NUTF2: variants seen among roughly 807,000 people sequenced by gnomAD.
NUTF2 encodes nuclear transport factor 2, also known as placental protein 15.
In NUTF2, 3 loss-of-function variants were observed where a neutral mutation model predicts 18.5. The observed-to-expected ratio is 0.16, with a 90% CI of 0.07 to 0.42. The LOEUF (loss-of-function observed/expected upper bound fraction) is 0.42. NUTF2 is among the 10% of genes least tolerant of loss of function. NUTF2 has a pLI of 0.99. For synonymous variants in NUTF2, 51 were observed against 57.9 expected (o/e 0.88, Z 0.54); for missense variants, 44 against 160.7 (o/e 0.27, Z 3.93).
At chr16:67,868,448 T>C (rs1180083284) in intron 3 of NUTF2, 37 bp downstream of exon 3, 5 of 1,613,456 alleles carry the variant, frequency 3.1e-6, no homozygotes, top group East Asian at 2.2e-5. Flanking sequence ...AGGTGGCTCC[T>C]TTCCCACCCC....
chr16:67,853,458 A>G (rs755520648), intron 1 of NUTF2, among the ~76,000 whole-genome samples: 1 of 152,122 alleles, frequency 6.6e-6, no homozygotes, highest in African/African-American at 2.4e-5. Flanking sequence ...TCTGGGTTCA[A>G]GAGATTCTCC....
intron 2 of NUTF2, among the ~76,000 whole-genome samples, chr16:67,866,772 T>C (rs1405883585): frequency 6.6e-6 from 1 of 151,934 alleles, no homozygotes; most frequent in Admixed American, 6.6e-5. Context: ...CGGCTACACC[T>C]AATTTTTGTA....
intron 1 of NUTF2, among the ~76,000 whole-genome samples, chr16:67,853,525 T>C (rs942993173): frequency 2.6e-5 from 4 of 151,784 alleles, no homozygotes; most frequent in African/African-American, 9.7e-5. Flanking sequence ...GCTTGGCTAA[T>C]TTTTGTATTT....
At chr16:67,855,424 G>A (rs1274415579) in intron 1 of NUTF2, among the ~76,000 whole-genome samples, 5 of 152,292 alleles carry the variant, frequency 3.3e-5, no homozygotes, top group Admixed American at 2.0e-4. Context: ...TGTCTGGGGC[G>A]TTACTCATTT....
intron 1 of NUTF2, among the ~76,000 whole-genome samples, chr16:67,853,339 G>A (rs1305495811): frequency 1.3e-5 from 2 of 152,076 alleles, no homozygotes; most frequent in Non-Finnish European, 2.9e-5. Flanking sequence ...CTACAGGTGC[G>A]CACCATCACG....
chr16:67,861,217 C>T (rs1355110798), intron 1 of NUTF2, among the ~76,000 whole-genome samples: 1 of 152,212 alleles, frequency 6.6e-6, no homozygotes. Context: ...TCCTTTTGGT[C>T]ATCTCTAACA....
intron 1 of NUTF2, among the ~76,000 whole-genome samples, chr16:67,855,370 G>A (rs2057888170): frequency 6.6e-6 from 1 of 152,226 alleles, no homozygotes; most frequent in African/African-American, 2.4e-5. Context: ...GGGGCCACAG[G>A]GCTCCTACTG....
At chr16:67,855,520 G>A (rs1389380082) in intron 1 of NUTF2, among the ~76,000 whole-genome samples, 1 of 152,196 alleles carries the variant, frequency 6.6e-6, no homozygotes, top group Non-Finnish European at 1.5e-5. Context: ...TTATTAGAGA[G>A]GGGTTTCTGG....
intron 1 of NUTF2, among the ~76,000 whole-genome samples, 166 bp from the exon 2 acceptor site, chr16:67,864,936 G>C (rs1379219020): frequency 6.6e-6 from 1 of 152,140 alleles, no homozygotes. Context: ...GCACTGGTCT[G>C]GCTTGGGAGG....
chr16:67,856,902 T>G (rs1478036245), intron 1 of NUTF2, among the ~76,000 whole-genome samples: 1 of 152,238 alleles, frequency 6.6e-6, no homozygotes, highest in African/African-American at 2.4e-5. Context: ...GGAGTCTTTG[T>G]TTCCTTGTCT....
chr16:67,864,516 A>G (rs1232518730), intron 1 of NUTF2, among the ~76,000 whole-genome samples: 1 of 135,474 alleles, frequency 7.4e-6, no homozygotes, highest in African/African-American at 3.6e-5. Flanking sequence ...TCTCAAAAAA[A>G]AAAAAAAAAA....
intron 1 of NUTF2, among the ~76,000 whole-genome samples, chr16:67,854,132 G>C (rs1382208474): frequency 6.6e-6 from 1 of 152,228 alleles, no homozygotes; most frequent in Non-Finnish European, 1.5e-5. Context: ...TGTATTTTTA[G>C]TAAAGATGGG....
chr16:67,862,104 G>T (rs2057939069), intron 1 of NUTF2, among the ~76,000 whole-genome samples: 1 of 152,164 alleles, frequency 6.6e-6, no homozygotes, highest in African/African-American at 2.4e-5. Flanking sequence ...GGAGCTTAGG[G>T]AGTTTGGCCT....
chr16:67,871,641 G>A lies in NUTF2; in HGVS notation c.*728G>A, dbSNP rs2058014178. 1 of 152,280 alleles carries A rather than the reference G, an allele frequency of 6.6e-6. No individual in the cohort carries two copies. The allele number at this position is 152,280 out of a possible 1,614,324, so 9.4% of individuals were successfully genotyped here. On this transcript the variant is annotated 3_prime_UTR_variant, in exon 5 of 5. Transcript: ENST00000219169. ...GGTAGGTTCAGGGCCCTAGTAGCAG[G>A]AGAGATGATCCTGAATCCTGTTGAA...
chr16:67,851,471 C>A (rs1441909782), intron 1 of NUTF2, among the ~76,000 whole-genome samples: 2 of 151,508 alleles, frequency 1.3e-5, no homozygotes, highest in Non-Finnish European at 2.9e-5. Context: ...CAGAGTGAGA[C>A]CCTGTCTCAA....
chr16:67,853,383 A>G (rs908112580), intron 1 of NUTF2, among the ~76,000 whole-genome samples: 18 of 151,984 alleles, frequency 1.2e-4, no homozygotes, highest in Non-Finnish European at 2.2e-4. Flanking sequence ...TCTGAGACGG[A>G]GTCTCACTCT....
chr16:67,852,469 G>A (rs1244830283), intron 1 of NUTF2, among the ~76,000 whole-genome samples: 1 of 150,344 alleles, frequency 6.7e-6, no homozygotes, highest in Non-Finnish European at 1.5e-5. Context: ...CAATTCTCCT[G>A]TGTCAACCTT....
intron 1 of NUTF2, among the ~76,000 whole-genome samples, chr16:67,854,629 C>T (rs1428612053): frequency 2.0e-5 from 3 of 152,134 alleles, no homozygotes; most frequent in Non-Finnish European, 4.4e-5. Flanking sequence ...AAAAGTTTTC[C>T]ACAGAATAGA....
intron 4 of NUTF2, 67 bp from the exon 5 acceptor site, chr16:67,870,733 C>A: frequency 7.5e-7 from 1 of 1,334,378 alleles, no homozygotes; most frequent in South Asian, 1.2e-5. Context: ...TTGCCCTCTT[C>A]TCCTACCACT....
Sources: gnomAD v4.1 joint callset for allele counts (sites outside exome capture counted in the v4.1 genomes callset) on GRCh38, gnomAD v4.1.1 for gene constraint, MANE v1.5 for transcripts, NCBI Gene and HGNC (gene_info 2026-07-23, HGNC 2026-07-21) for gene names.